Variants in MAPK8IP3 observed in about 807,000 individuals in gnomAD.
MAPK8IP3 encodes the protein mitogen-activated protein kinase 8 interacting protein 3, also known as C-Jun-amino-terminal kinase-interacting protein 3.
In MAPK8IP3, 49 loss-of-function variants were observed where a neutral mutation model predicts 157.8. The ratio of observed to expected loss-of-function variants is 0.31; its 90% CI spans 0.25 to 0.39. The LOEUF is 0.39. Ranked by LOEUF, MAPK8IP3 falls within the 10% of genes least tolerant of loss-of-function variation. The probability of loss-of-function intolerance (pLI) is 1.00; values close to 1 mark genes in which losing one functional copy is unlikely to be tolerated. For synonymous variants in MAPK8IP3, 897 were observed against 777.7 expected (o/e 1.15, Z -2.55); for missense variants, 1,478 against 1,889.4 (o/e 0.78, Z 4.04).
intron 1 of MAPK8IP3, among the ~76,000 whole-genome samples, chr16:1,708,376 C>G (rs917247702): frequency 3.9e-5 from 6 of 152,230 alleles, no homozygotes; most frequent in Non-Finnish European, 8.8e-5. Flanking sequence ...GCACCGCCCT[C>G]CACTGCTCTC....
At position 1,764,188 on chromosome 16, in the gene MAPK8IP3, T is replaced by G; in HGVS notation, c.2099T>G (p.Val700Gly). The change falls in exon 18 of 32, where the codon GTG becomes GGG. Residue 700 changes from valine to glycine, a missense_variant. By Grantham distance (109) the Val-to-Gly change is moderately radical. Coordinates refer to ENST00000610761, the MANE Select transcript of MAPK8IP3 (RefSeq NM_001318852.2). ...GTGCCGGTGTACTGCCGCCCTCTGGTGGAGAAGGACCCCACCATGAAGGTG... is the reference window on the plus strand; with the variant it reads ...GTGCCGGTGTACTGCCGCCCTCTGGGGGAGAAGGACCCCACCATGAAGGTG... Reference protein sequence around the residue: ...VPVPVYCRPLVEKDPTMKLWC... With the variant: ...VPVPVYCRPLGEKDPTMKLWC... 6.2e-7 allele frequency: 1 copy of G among 1,611,246 alleles called. No individual in the cohort carries two copies. The highest frequency in any genetic ancestry group is 1.7e-5 in the Admixed American group (1 of 59,974).
chr16:1,721,983 A>C (rs969586149), intron 1 of MAPK8IP3, among the ~76,000 whole-genome samples: 1 of 148,548 alleles, frequency 6.7e-6, no homozygotes, highest in Non-Finnish European at 1.5e-5. Flanking sequence ...GTTAGCCAGG[A>C]AGGTCTCCAT....
chr16:1,715,595 G>T (rs2038093329), intron 1 of MAPK8IP3, among the ~76,000 whole-genome samples: 2 of 152,166 alleles, frequency 1.3e-5, no homozygotes, highest in South Asian at 4.1e-4. Flanking sequence ...TCCCAGGGAA[G>T]GAAATAAATT....
chr16:1,725,459 C>T (rs1449755613), intron 2 of MAPK8IP3, among the ~76,000 whole-genome samples: 1 of 151,008 alleles, frequency 6.6e-6, no homozygotes, highest in African/African-American at 2.4e-5. Context: ...GAAACCCCGT[C>T]TCTATAAAAA....
intron 1 of MAPK8IP3, among the ~76,000 whole-genome samples, chr16:1,723,922 C>G (rs1290667405): frequency 6.6e-6 from 1 of 152,174 alleles, no homozygotes; most frequent in African/African-American, 2.4e-5. Flanking sequence ...AGATTCCAAA[C>G]CTAGACCAAT....
intron 8 of MAPK8IP3, among the ~76,000 whole-genome samples, chr16:1,756,680 G>A (rs1012966781): frequency 2.0e-5 from 3 of 147,246 alleles, no homozygotes; most frequent in Non-Finnish European, 4.5e-5. Flanking sequence ...AAATTAGCCG[G>A]GCGTGGTGGC....
At chr16:1,723,348 A>G (rs889554284) in intron 1 of MAPK8IP3, among the ~76,000 whole-genome samples, 1 of 151,830 alleles carries the variant, frequency 6.6e-6, no homozygotes, top group African/African-American at 2.4e-5. Context: ...CAGAGGTTGC[A>G]GTGTATTTTT....
intron 8 of MAPK8IP3, 38 bp downstream of exon 8, chr16:1,748,758 C>A: frequency 6.5e-7 from 1 of 1,531,942 alleles, no homozygotes. Flanking sequence ...TGTGCCTGCA[C>A]AATGCTGGGG....
At position 1,769,092 on chromosome 16, in the gene MAPK8IP3, C is replaced by T. The variant is rs1439220381; in HGVS notation, c.*268C>T. The T allele has an allele frequency of 3.9e-6, 2 of 512,646 alleles. No homozygotes were observed. Among genetic ancestry groups the T allele is most frequent in the African/African-American group, 1.9e-5 (1 of 51,668 alleles). The allele number at this position is 512,646 out of a possible 1,614,324, so 31.8% of individuals were successfully genotyped here. On this transcript the variant is annotated 3_prime_UTR_variant, in exon 32 of 32. Transcript: ENST00000610761. ...TCCTGGCCAGCTTCCAGCCCAGAGT[C>T]CTCAAGTCCAGGGCACCTTGGGCCC...
At chr16:1,712,994 G>A (rs534385639) in intron 1 of MAPK8IP3, among the ~76,000 whole-genome samples, 30 of 152,316 alleles carry the variant, frequency 2.0e-4, no homozygotes, top group African/African-American at 7.0e-4. Flanking sequence ...TCCTTTTCTC[G>A]GCACACCCGG....
rs144966141 is a variant in MAPK8IP3 at position 1,741,002 on chromosome 16, G to A, written c.603-2330G>A. Among the ~76,000 whole-genome samples the A allele has an allele frequency of 7.2e-5, 11 of 152,288 alleles. No homozygotes were observed. The highest frequency in any genetic ancestry group is 3.4e-3 in the Middle Eastern group (1 of 294). On this transcript the variant is annotated intron_variant, in intron 4 of 31. Coordinates refer to ENST00000610761, the MANE Select transcript of MAPK8IP3 (RefSeq NM_001318852.2). This position sits in a 1 kb window ranked among gnomAD's most constrained non-coding sequence, Gnocchi z 6.9. ...CTGCCTTGGTCACAGACGAAGGCAC[G>A]GCGCCGACTCCTGCTAAGGAGGGGT...
At position 1,728,040 on chromosome 16, in the gene MAPK8IP3, C is replaced by T. The variant is rs143940914; in HGVS notation, c.440-1098C>T. ...TCTCTCACCTCGTGGCGTCAGCCCT[C>T]CCCATTGGTGGGCTGCAGGACAGAG... On this transcript the variant is annotated intron_variant, in intron 2 of 31. Coordinates refer to ENST00000610761, the MANE Select transcript of MAPK8IP3 (RefSeq NM_001318852.2). Among the ~76,000 whole-genome samples, 314 of 152,394 alleles carry T rather than the reference C, an allele frequency of 2.1e-3. 2 individuals carry two copies. Among genetic ancestry groups the T allele is most frequent in the Middle Eastern group, 0.01 (3 of 294 alleles).
At chr16:1,753,449 A>AT (rs200777924) in intron 8 of MAPK8IP3, among the ~76,000 whole-genome samples, 3,719 of 150,216 alleles carry the variant, frequency 0.025, 71 homozygotes, top group Non-Finnish European at 0.027. Context: ...TTATTTATTT[A>AT]TTTATTTTTG....
chr16:1,744,118 A>G (rs2040834832), intron 5 of MAPK8IP3: 2 of 985,696 alleles, frequency 2.0e-6, no homozygotes, highest in Non-Finnish European at 2.4e-6. Context: ...GCCCAGAGCC[A>G]GGCCACTCCT....
chr16:1,738,665 T>G (rs536783681), intron 4 of MAPK8IP3, among the ~76,000 whole-genome samples: 1 of 127,374 alleles, frequency 7.9e-6, no homozygotes, highest in Non-Finnish European at 1.6e-5. Context: ...TGACCATCCA[T>G]GTGAGCATGT....
rs773526735 is a variant in MAPK8IP3 at position 1,766,963 on chromosome 16, G to A, written c.3080G>A (p.Arg1027His). ...GACGGGACCCTGGCCATCTTCCACC[G>A]TGGTGAAGGTGGGGCCTGGCAGCAC... ...LADGTLAIFH[R>H]GEDGQWDLSN... The change falls in exon 25 of 32, where the codon CGT becomes CAT. Residue 1027 changes from arginine to histidine, a missense_variant. Physicochemically the swap from Arg to His is conservative, Grantham distance 29. This residue lies in a region of MAPK8IP3 where 669 missense variants were observed against 759.8 expected (regional missense o/e 0.88). Coordinates refer to ENST00000610761, the MANE Select transcript of MAPK8IP3 (RefSeq NM_001318852.2). The A allele has an allele frequency of 1.3e-5, 20 of 1,587,152 alleles. No individual in the cohort carries two copies. The highest frequency in any genetic ancestry group is 2.7e-5 in the African/African-American group (2 of 74,574).
At position 1,724,291 on chromosome 16, in the gene MAPK8IP3, C is replaced by A. The variant is rs1179969878; in HGVS notation, c.319-266C>A. Among the ~76,000 whole-genome samples, 1 of 152,240 alleles carries A rather than the reference C, an allele frequency of 6.6e-6. No individual in the cohort carries two copies. The highest frequency in any genetic ancestry group is 1.5e-5 in the Non-Finnish European group (1 of 68,038). ...TGGAAACAACAGGCTCCCTTCACAGCAAATCCTCCCGGGAGAGGAGGGTGC... is the reference window on the plus strand; with the variant it reads ...TGGAAACAACAGGCTCCCTTCACAGAAAATCCTCCCGGGAGAGGAGGGTGC... On this transcript the variant is annotated intron_variant, in intron 1 of 31. Transcript: ENST00000610761. This position sits in a 1 kb window ranked among gnomAD's most constrained non-coding sequence, Gnocchi z 4.1.
chr16:1,745,093 T>A (rs1197054262), intron 5 of MAPK8IP3: 1 of 985,190 alleles, frequency 1.0e-6, no homozygotes, highest in Admixed American at 6.2e-5. Context: ...GGTTGAGAGG[T>A]TTGCCTTTAG....
intron 5 of MAPK8IP3, chr16:1,746,458 T>G (rs1430428205): frequency 2.0e-5 from 3 of 152,594 alleles, no homozygotes; most frequent in Non-Finnish European, 4.4e-5. Context: ...TTGCTCATGT[T>G]CAGGGGTGAG....
Sources: gnomAD v4.1 joint callset for allele counts (sites outside exome capture counted in the v4.1 genomes callset) on GRCh38, gnomAD v4.1.1 for gene constraint, gnomAD v4.1.1 regional missense constraint, Gnocchi (gnomAD v3.1) non-coding constraint, MANE v1.5 for transcripts, NCBI Gene and HGNC (gene_info 2026-07-23, HGNC 2026-07-21) for gene names.